PRSS38: variants seen among roughly 807,000 people sequenced by gnomAD.
PRSS38 encodes the protein serine protease 38, also known as marapsin 2.
PRSS38 carries 22 observed loss-of-function variants against 26.8 expected under a neutral mutation model. That is an observed-to-expected ratio of 0.82 (90% confidence interval 0.59 to 1.17). The LOEUF is 1.17. PRSS38 is among the 50% of genes most tolerant of loss of function. The pLI is 0.00. For missense variants in PRSS38, 427 were observed against 422.7 expected, an observed-to-expected ratio of 1.01 and a Z score of -0.09; for synonymous variants, 175 against 172.1, an observed-to-expected ratio of 1.02 and a Z score of -0.13.
intron 3 of PRSS38, among the ~76,000 whole-genome samples, chr1:227,832,980 G>GAAAACTAC (rs1441832787): frequency 5.3e-5 from 8 of 152,128 alleles, no homozygotes; most frequent in Non-Finnish European, 7.4e-5. Context: ...CCAAGGAGAT[G>GAAAACTAC]AAAACTACAA....
chr1:227,834,758 G>A (rs550374482), intron 3 of PRSS38, among the ~76,000 whole-genome samples: 108 of 150,286 alleles, frequency 7.2e-4, no homozygotes, highest in Admixed American at 2.1e-3. Flanking sequence ...TGAGCTCAGC[G>A]GGTCGAGGCT....
chr1:227,835,191 G>T (rs1665221310), intron 3 of PRSS38, among the ~76,000 whole-genome samples: 1 of 152,166 alleles, frequency 6.6e-6, no homozygotes, highest in African/African-American at 2.4e-5. Flanking sequence ...ACTGGCAAGG[G>T]CGTGGAGAAA....
At chr1:227,842,994 A>G (rs573901409) in intron 3 of PRSS38, among the ~76,000 whole-genome samples, 1 of 152,334 alleles carries the variant, frequency 6.6e-6, no homozygotes, top group South Asian at 2.1e-4. Context: ...CACAGATTGG[A>G]AAGCTCCAAC....
At chr1:227,845,380 G>GCTAT in intron 3 of PRSS38, 90 bp from the exon 4 acceptor site, 1 of 877,430 alleles carries the variant, frequency 1.1e-6, no homozygotes, top group Non-Finnish European at 1.8e-6. Flanking sequence ...CTCTCCATGG[G>GCTAT]CTATCCCCTT....
chr1:227,821,317 C>T (rs1665000931), intron 3 of PRSS38, among the ~76,000 whole-genome samples: 1 of 151,958 alleles, frequency 6.6e-6, no homozygotes, highest in South Asian at 2.1e-4. Flanking sequence ...CATGTCTTTG[C>T]CATTGTGAAT....
chr1:227,828,756 AC>A (rs34102637), intron 3 of PRSS38, among the ~76,000 whole-genome samples: 62,497 of 151,702 alleles, frequency 0.41, 14,947 homozygotes, highest in Middle Eastern at 0.56. Flanking sequence ...ACAAGGGACC[AC>A]CCCCCAGGGT....
At chr1:227,818,329 C>T (rs565909372) in intron 3 of PRSS38, among the ~76,000 whole-genome samples, 15 of 152,178 alleles carry the variant, frequency 9.9e-5, no homozygotes, top group South Asian at 4.2e-4. Context: ...GAAATGTTTG[C>T]GGCAACTCTT....
At chr1:227,838,295 T>C (rs1332786939) in intron 3 of PRSS38, among the ~76,000 whole-genome samples, 1 of 152,236 alleles carries the variant, frequency 6.6e-6, no homozygotes, top group East Asian at 1.9e-4. Flanking sequence ...TTGCATATGG[T>C]GTGAGGAAAA....
In PRSS38 at chr1:227,817,144, C is replaced by T. The variant is rs1472688152; in HGVS notation, c.312-65C>T. The stretch of plus-strand genomic sequence containing the variant: ...GTGCCAGCCCCTTGCGCTTGGCCTC[C>T]CCAGGCCTGTGGGCTGACCACACAG... On this transcript the variant is annotated intron_variant, in intron 2 of 4. Coordinates refer to ENST00000366757, the Ensembl canonical transcript of PRSS38. 3.9e-6 allele frequency: 6 copies of T among 1,557,288 alleles called. No individual in the cohort carries two copies. The East Asian group carries it at 1.1e-4, about 29-fold the overall frequency.
At chr1:227,839,277 T>C (rs1293561728) in intron 3 of PRSS38, among the ~76,000 whole-genome samples, 1 of 151,912 alleles carries the variant, frequency 6.6e-6, no homozygotes, top group South Asian at 2.1e-4. Flanking sequence ...CTGGACAACA[T>C]AGTGAGACCC....
Position 227,828,055 on chromosome 1 carries a change from CTGTT to C in PRSS38, c.583+10577_583+10580del, listed in dbSNP as rs562248034. Among the ~76,000 whole-genome samples the C allele has an allele frequency of 6.7e-3, 1,021 of 152,196 alleles. 16 individuals carry two copies. The highest frequency in any genetic ancestry group is 0.024 in the African/African-American group (978 of 41,512). ...TTTGATTCCACTGTGGTCTAAGGGA[CTGTT>C]TATTATGTTTTCAGTTCTTCTGCAT... On this transcript the variant is annotated intron_variant, in intron 3 of 4. Transcript: ENST00000366757.
chr1:227,846,259 C>G, exon 5 of PRSS38: 1 of 1,587,018 alleles, frequency 6.3e-7, no homozygotes, highest in Non-Finnish European at 8.5e-7. Context: ...CTGCCCCAGC[C>G]CAGCTGCCTC....
intron 3 of PRSS38, among the ~76,000 whole-genome samples, chr1:227,823,144 T>G (rs988656000): frequency 6.6e-6 from 1 of 152,100 alleles, no homozygotes; most frequent in Non-Finnish European, 1.5e-5. Context: ...CTCTCTGTGT[T>G]GTGAACTTTA....
chr1:227,845,537 C>T lies in PRSS38; in HGVS notation c.651C>T (p.Leu217=), dbSNP rs1303460998. The T allele has an allele frequency of 1.9e-6, 3 of 1,613,492 alleles. No individual in the cohort carries two copies. In the African/African-American group the frequency reaches 4.0e-5, roughly 22 times the overall value. Reference sequence around the variant, plus strand: ...TCCTGGAGCCCTGGTGCCACCTGCTCTACGGACACATGTCCTACATCATGC... The same window carrying T: ...TCCTGGAGCCCTGGTGCCACCTGCTTTACGGACACATGTCCTACATCATGC... Residue 217 remains leucine (L), a synonymous_variant, in exon 4 of 5, where the codon CTC becomes CTT. Transcript: ENST00000366757.
At chr1:227,833,704 C>T (rs1435316450) in intron 3 of PRSS38, among the ~76,000 whole-genome samples, 3 of 152,128 alleles carry the variant, frequency 2.0e-5, no homozygotes, top group South Asian at 2.1e-4. Context: ...CAAGTCCATT[C>T]CATGGGGAAG....
intron 3 of PRSS38, 21 bp from the exon 4 acceptor site, chr1:227,845,449 A>G: frequency 6.3e-7 from 1 of 1,596,970 alleles, no homozygotes; most frequent in Non-Finnish European, 8.5e-7. Flanking sequence ...CTGCCCCCTC[A>G]CGGGAGCCCT....
At chr1:227,819,041 G>A (rs1356301601) in intron 3 of PRSS38, among the ~76,000 whole-genome samples, 2 of 152,110 alleles carry the variant, frequency 1.3e-5, no homozygotes, top group African/African-American at 2.4e-5. Flanking sequence ...TGAATATAAT[G>A]ATATTGTGTA....
intron 3 of PRSS38, among the ~76,000 whole-genome samples, chr1:227,836,194 G>GA (rs1665236335): frequency 1.3e-5 from 2 of 152,018 alleles, no homozygotes; most frequent in Non-Finnish European, 2.9e-5. Context: ...AACCTCCTAG[G>GA]CTCCAGCGAT....
At chr1:227,843,186 C>T (rs994166834) in intron 3 of PRSS38, among the ~76,000 whole-genome samples, 2 of 152,220 alleles carry the variant, frequency 1.3e-5, no homozygotes, top group Non-Finnish European at 2.9e-5. Context: ...CTCCAGGATG[C>T]ATAAATGAGC....
Sources: allele counts gnomAD v4.1 joint callset (sites outside exome capture counted in the v4.1 genomes callset), GRCh38; gene constraint gnomAD v4.1.1; transcripts MANE v1.5; gene names NCBI Gene and HGNC (gene_info 2026-07-23, HGNC 2026-07-21).